Variants in TFB2M observed in about 807,000 individuals in gnomAD.
TFB2M encodes dimethyladenosine transferase 2, mitochondrial.
Under a neutral mutation model 41.3 loss-of-function variants are expected in TFB2M, and 44 were observed. That is an observed-to-expected ratio of 1.07 (90% CI 0.84 to 1.37). The LOEUF (loss-of-function observed/expected upper bound fraction) is 1.37, where lower values mean the gene tolerates loss of function less well. Among genes scored for constraint, TFB2M ranks in the 40% most tolerant of loss-of-function variants. TFB2M has a pLI of 0.00. For missense variants in TFB2M, 496 were observed against 490.2 expected (o/e 1.01, Z -0.11); for synonymous variants, 188 against 176.8 (o/e 1.06, Z -0.50).
intron 7 of TFB2M, 130 bp from the exon 8 acceptor site, chr1:246,541,332 C>T (rs115299265): frequency 0.016 from 12,852 of 808,382 alleles, 133 homozygotes; most frequent in Middle Eastern, 0.02. Flanking sequence ...ATAATGGACA[C>T]GGGAGAATCA....
Position 246,540,867 on chromosome 1 carries a change from C to T in TFB2M, c.*164G>A. 1.9e-6 allele frequency: 1 copy of T among 523,724 alleles called. No homozygotes were observed. Among genetic ancestry groups the T allele is most frequent in the Non-Finnish European group, 3.3e-6 (1 of 306,012 alleles). The allele number at this position is 523,724 out of a possible 1,614,324, so 32.4% of individuals were successfully genotyped here. A position where few individuals can be genotyped will look rare whatever the true frequency, so the allele number is the denominator to read the frequency against. ...GTGAATAAAATAGCAGACACTGTTT[C>T]ATCCAATAAGCCAATGATATCAGCT... On this transcript the variant is annotated 3_prime_UTR_variant, in exon 8 of 8. Coordinates refer to ENST00000366514, the MANE Select transcript of TFB2M (RefSeq NM_022366.3).
intron 5 of TFB2M, among the ~76,000 whole-genome samples, chr1:246,550,832 G>A (rs1049980216): frequency 2.2e-4 from 33 of 152,144 alleles, no homozygotes; most frequent in African/African-American, 7.7e-4. Flanking sequence ...GCAGTGAGCC[G>A]AGATCGAACC....
intron 2 of TFB2M, among the ~76,000 whole-genome samples, chr1:246,562,895 T>G (rs1309232849): frequency 6.6e-6 from 1 of 152,004 alleles, no homozygotes; most frequent in Non-Finnish European, 1.5e-5. Flanking sequence ...CTTAACCTAG[T>G]GATCCGCCCG....
chr1:246,550,878 C>T (rs543498660), intron 5 of TFB2M, among the ~76,000 whole-genome samples: 108 of 151,872 alleles, frequency 7.1e-4, no homozygotes, highest in Non-Finnish European at 1.2e-3. Flanking sequence ...AGTGAGACTC[C>T]ATCTCAAAAA....
chr1:246,554,047 G>T (rs952880696), intron 4 of TFB2M, among the ~76,000 whole-genome samples: 1 of 152,108 alleles, frequency 6.6e-6, no homozygotes, highest in African/African-American at 2.4e-5. Context: ...TACACATATG[G>T]TCAAATCATT....
In TFB2M at chr1:246,541,032, TACCTATCTTCC is replaced by T. The variant is rs754370922; in HGVS notation, c.1179_1189del (p.Glu394AlafsTer19). The T allele has an allele frequency of 3.7e-6, 6 of 1,608,326 alleles. No homozygotes were observed. The Admixed American group carries it at 8.5e-5, about 23-fold the overall frequency. ...CCACCAAAAACGACAGTCTAGTTGC[TACCTATCTTCC>T]AGGGTTTCATCATACAGCCATTTAT... is the stretch of plus-strand genomic sequence containing the variant. On this transcript the variant is annotated frameshift_variant and stop_lost, in exon 8 of 8. Transcript: ENST00000366514. LOFTEE classifies it high-confidence loss of function.
At chr1:246,548,434 G>T in intron 6 of TFB2M, 111 bp downstream of exon 6, 1 of 837,202 alleles carries the variant, frequency 1.2e-6, no homozygotes, top group Non-Finnish European at 1.8e-6. Flanking sequence ...AATGTTTCTA[G>T]ATATTTTAAA....
rs146108806 is a variant in TFB2M at position 246,559,673 on chromosome 1, G to A, written c.403-2139C>T. On this transcript the variant is annotated intron_variant, in intron 2 of 7. Transcript: ENST00000366514. ...ATACACATTTGGTCACATTAATTTC[G>A]AGATGCCTACTATGTGATCTAGGTA... Among the ~76,000 whole-genome samples the A allele has an allele frequency of 6.6e-4, 101 of 152,286 alleles. No individual in the cohort carries two copies. The East Asian group carries it at 0.012, about 18-fold the overall frequency.
intron 2 of TFB2M, among the ~76,000 whole-genome samples, chr1:246,559,338 C>G (rs1659397760): frequency 6.6e-6 from 1 of 152,112 alleles, no homozygotes; most frequent in Admixed American, 6.5e-5. Flanking sequence ...CACACAAGGT[C>G]AGGAGTTTGA....
At chr1:246,559,240 T>C (rs2102989833) in intron 2 of TFB2M, among the ~76,000 whole-genome samples, 1 of 152,230 alleles carries the variant, frequency 6.6e-6, no homozygotes, top group African/African-American at 2.4e-5. Context: ...TGTGATACCG[T>C]GTCCAGCTCA....
intron 6 of TFB2M, among the ~76,000 whole-genome samples, chr1:246,545,808 A>AC (rs1446691016): frequency 6.4e-5 from 5 of 77,856 alleles, no homozygotes; most frequent in African/African-American, 1.0e-4. Context: ...CAAGACCCTG[A>AC]TTCGAAAAAA....
chr1:246,556,747 T>A, intron 3 of TFB2M, 26 bp from the exon 4 acceptor site: 2 of 1,527,166 alleles, frequency 1.3e-6, no homozygotes, highest in East Asian at 2.5e-5. Context: ...GCAAAAAGAT[T>A]TGAATAAAGT....
intron 6 of TFB2M, among the ~76,000 whole-genome samples, chr1:246,545,721 G>A (rs1659001310): frequency 6.7e-6 from 1 of 149,982 alleles, no homozygotes; most frequent in African/African-American, 2.4e-5. Context: ...GCTCAGATGG[G>A]AGGATGCTTG....
At chr1:246,563,116 G>A (rs1382958648) in intron 2 of TFB2M, among the ~76,000 whole-genome samples, 1 of 151,888 alleles carries the variant, frequency 6.6e-6, no homozygotes, top group Non-Finnish European at 1.5e-5. Context: ...CCAGGAGACT[G>A]AAAGCCTGCC....
chr1:246,546,983 A>ACACACACACACCCACACT (rs764498048), intron 6 of TFB2M, among the ~76,000 whole-genome samples: 1 of 127,180 alleles, frequency 7.9e-6, no homozygotes, highest in African/African-American at 3.0e-5. Context: ...ACACACACAC[A>ACACACACACACCCACACT]TTTTTTTTTT....
At chr1:246,564,507 G>A in intron 1 of TFB2M, 73 bp from the exon 2 acceptor site, 1 of 1,367,288 alleles carries the variant, frequency 7.3e-7, no homozygotes, top group Non-Finnish European at 1.0e-6. Context: ...ACTTTCATTA[G>A]ATGTTTCACA....
intron 4 of TFB2M, among the ~76,000 whole-genome samples, chr1:246,551,857 T>C (rs533419749): frequency 5.8e-4 from 88 of 152,290 alleles, no homozygotes; most frequent in African/African-American, 2.1e-3. Flanking sequence ...AACACAGCAC[T>C]TCCTATTCTT....
At chr1:246,549,402 T>C (rs1659111027) in intron 5 of TFB2M, among the ~76,000 whole-genome samples, 1 of 151,918 alleles carries the variant, frequency 6.6e-6, no homozygotes, top group African/African-American at 2.4e-5. Flanking sequence ...GGCAACATGG[T>C]GAAACCCTGT....
rs576481507 is a variant in TFB2M at position 246,565,437 on chromosome 1, G to A, written c.313+389C>T. Among the ~76,000 whole-genome samples, 5 of 152,346 alleles carry A rather than the reference G, an allele frequency of 3.3e-5. No individual in the cohort carries two copies. The South Asian group carries it at 1.0e-3, about 32-fold the overall frequency. On this transcript the variant is annotated intron_variant, in intron 1 of 7. Coordinates refer to ENST00000366514, the MANE Select transcript of TFB2M (RefSeq NM_022366.3). The stretch of plus-strand genomic sequence containing the variant: ...TCAAACAAAGACCCGTATCTGGACG[G>A]GCGCAGTGGCTCACGCCTCTAATCC...
Sources: gnomAD v4.1 joint callset for allele counts (sites outside exome capture counted in the v4.1 genomes callset) on GRCh38, gnomAD v4.1.1 for gene constraint, MANE v1.5 for transcripts, NCBI Gene and HGNC (gene_info 2026-07-23, HGNC 2026-07-21) for gene names.